ITK: variants seen among roughly 807,000 people sequenced by gnomAD.
ITK encodes tyrosine-protein kinase ITK/TSK.
In ITK, 45 loss-of-function variants were observed where a neutral mutation model predicts 87.6. The ratio of observed to expected loss-of-function variants is 0.51; its 90% CI spans 0.40 to 0.66. ITK has a LOEUF of 0.66. Among genes scored for constraint, ITK ranks in the 30% least tolerant of loss-of-function variants. The pLI, the probability that ITK is intolerant of heterozygous loss-of-function variation, is 0.00. For synonymous variants in ITK, 303 were observed against 273.6 expected (o/e 1.11, Z -1.06); for missense variants, 605 against 766.3 (o/e 0.79, Z 2.48).
At chr5:157,238,041 A>G (rs1178324149) in intron 8 of ITK, 68 bp from the exon 9 acceptor site, 1 of 1,177,120 alleles carries the variant, frequency 8.5e-7, no homozygotes, top group East Asian at 2.3e-5. Context: ...TGGGCAAGAA[A>G]GTGGAGCTGG....
chr5:157,189,764 G>A (rs183053791), intron 1 of ITK, among the ~76,000 whole-genome samples: 13 of 152,316 alleles, frequency 8.5e-5, no homozygotes, highest in Non-Finnish European at 1.5e-4. Context: ...AATATCAAAC[G>A]TGGAAATCGT....
chr5:157,210,143 C>G (rs1298421006), intron 2 of ITK, among the ~76,000 whole-genome samples: 1 of 152,128 alleles, frequency 6.6e-6, no homozygotes, highest in African/African-American at 2.4e-5. Flanking sequence ...TCAGACTAGT[C>G]TCAAACTCCT....
chr5:157,191,666 C>T (rs1483383234), intron 1 of ITK, among the ~76,000 whole-genome samples: 1 of 152,028 alleles, frequency 6.6e-6, no homozygotes, highest in Non-Finnish European at 1.5e-5. Context: ...TCTACAATGC[C>T]TCCAAAGTAA....
chr5:157,224,010 G>A (rs1487114586), intron 6 of ITK, among the ~76,000 whole-genome samples: 1 of 152,198 alleles, frequency 6.6e-6, no homozygotes, highest in Non-Finnish European at 1.5e-5. Context: ...TTGGCCGGGT[G>A]CACTGGCTCA....
At position 157,245,929 on chromosome 5, in the gene ITK, G is replaced by T; in HGVS notation, c.1563G>T (p.Pro521=). The part of the protein sequence containing the change: ...QYTSSTGTKF[P]VKWASPEVFS... ...CCAGTTCCACAGGCACCAAATTCCCGGTGAAGTGGGCATCCCCAGAGGTTT... is the reference window on the plus strand; with the variant it reads ...CCAGTTCCACAGGCACCAAATTCCCTGTGAAGTGGGCATCCCCAGAGGTTT... Residue 521 remains proline (P), a synonymous_variant, in exon 15 of 17, where the codon CCG becomes CCT. Transcript: ENST00000422843. The T allele has an allele frequency of 6.2e-7, 1 of 1,614,162 alleles. No individual in the cohort carries two copies. Among genetic ancestry groups the T allele is most frequent in the Non-Finnish European group, 8.5e-7 (1 of 1,180,014 alleles).
intron 16 of ITK, 89 bp from the exon 17 acceptor site, chr5:157,252,518 G>T (rs1755160683): frequency 1.3e-5 from 12 of 919,970 alleles, no homozygotes; most frequent in Non-Finnish European, 1.8e-5. Flanking sequence ...AATCCACAGG[G>T]GATGCTGCTA....
In ITK at chr5:157,184,115, A is replaced by G. The variant is rs980398158; in HGVS notation, c.138+3000A>G. Among the ~76,000 whole-genome samples the G allele has an allele frequency of 2.0e-5, 3 of 151,764 alleles. No individual in the cohort carries two copies. In the East Asian group the frequency reaches 5.8e-4, roughly 29 times the overall value. On this transcript the variant is annotated intron_variant, in intron 1 of 16. Coordinates refer to ENST00000422843, the MANE Select transcript of ITK (RefSeq NM_005546.4). ...GGCAGGTGGTAGCTTGCAGACAGAC[A>G]TGATTTCAGAGGCTCTCCTGTGCCT...
chr5:157,252,694 A>G lies in ITK; in HGVS notation c.*16A>G, dbSNP rs1279933045. On this transcript the variant is annotated 3_prime_UTR_variant, in exon 17 of 17. Transcript: ENST00000422843. Reference sequence around the variant, plus strand: ...AGGACTTTAGTAGAGACTGAGTACCAGGCCACGGGCTGCAGATCCTGAATG... The same window carrying G: ...AGGACTTTAGTAGAGACTGAGTACCGGGCCACGGGCTGCAGATCCTGAATG... The G allele has an allele frequency of 1.3e-6, 2 of 1,584,378 alleles. No homozygotes were observed. Among genetic ancestry groups the G allele is most frequent in the African/African-American group, 2.7e-5 (2 of 74,330 alleles).
chr5:157,209,088 C>T, intron 2 of ITK, 95 bp downstream of exon 2: 1 of 860,192 alleles, frequency 1.2e-6, no homozygotes, highest in South Asian at 1.4e-5. Context: ...GTAATCCTAG[C>T]ACTTTGGGAG....
chr5:157,249,254 G>A (rs1203259848), intron 16 of ITK, among the ~76,000 whole-genome samples: 1 of 152,246 alleles, frequency 6.6e-6, no homozygotes, highest in East Asian at 1.9e-4. Context: ...CTTCAGAGAG[G>A]AGGATGGGGT....
chr5:157,188,577 T>G (rs920474689), intron 1 of ITK, among the ~76,000 whole-genome samples: 2 of 152,182 alleles, frequency 1.3e-5, no homozygotes, highest in Non-Finnish European at 2.9e-5. Context: ...TTGCATTAGC[T>G]GTTTCCACTG....
At chr5:157,195,659 C>T (rs572299458) in intron 1 of ITK, 2 of 152,308 alleles carry the variant, frequency 1.3e-5, no homozygotes, top group East Asian at 3.9e-4. Flanking sequence ...ATACTTTATA[C>T]ATATACTTGT....
rs142837839 is a variant in ITK at position 157,220,750 on chromosome 5, G to A, written c.496-2113G>A. Among the ~76,000 whole-genome samples, 887 of 152,176 alleles carry A rather than the reference G, an allele frequency of 5.8e-3. 8 individuals are homozygous for A. The highest frequency in any genetic ancestry group is 0.037 in the Middle Eastern group (11 of 294). On this transcript the variant is annotated intron_variant, in intron 5 of 16. Transcript: ENST00000422843. ...TCCCAACCTTATCAAACTCAATCCT[G>A]CCTTTTAATGACAGATATTTTGTAA...
At chr5:157,191,534 T>C (rs1753753712) in intron 1 of ITK, among the ~76,000 whole-genome samples, 1 of 152,252 alleles carries the variant, frequency 6.6e-6, no homozygotes, top group African/African-American at 2.4e-5. Context: ...ATTTACTATC[T>C]GTGTCAGCAC....
At chr5:157,203,064 C>T (rs1433414465) in intron 1 of ITK, among the ~76,000 whole-genome samples, 1 of 152,196 alleles carries the variant, frequency 6.6e-6, no homozygotes, top group African/African-American at 2.4e-5. Context: ...CCAGATGGCT[C>T]CTGTTCGACT....
chr5:157,181,508 C>T (rs1012029510), intron 1 of ITK, among the ~76,000 whole-genome samples: 4 of 152,172 alleles, frequency 2.6e-5, no homozygotes, highest in Admixed American at 2.6e-4. Flanking sequence ...ACAACACTAG[C>T]ATTCAATGGG....
At chr5:157,196,152 G>C (rs1753852085) in intron 1 of ITK, among the ~76,000 whole-genome samples, 1 of 152,170 alleles carries the variant, frequency 6.6e-6, no homozygotes, top group Non-Finnish European at 1.5e-5. Context: ...CAATAATGCT[G>C]AGGCTGAGAA....
At chr5:157,235,813 C>T (rs1293799619) in intron 8 of ITK, among the ~76,000 whole-genome samples, 1 of 152,134 alleles carries the variant, frequency 6.6e-6, no homozygotes, top group Non-Finnish European at 1.5e-5. Context: ...TGAAAGGTCA[C>T]CTTCAAATTA....
intron 1 of ITK, among the ~76,000 whole-genome samples, chr5:157,182,152 T>C (rs938902445): frequency 3.3e-5 from 5 of 152,278 alleles, no homozygotes; most frequent in African/African-American, 1.2e-4. Flanking sequence ...ATATTATTTT[T>C]ACATCATTAG....
Sources: allele counts gnomAD v4.1 joint callset (sites outside exome capture counted in the v4.1 genomes callset), GRCh38; gene constraint gnomAD v4.1.1; transcripts MANE v1.5; gene names NCBI Gene and HGNC (gene_info 2026-07-23, HGNC 2026-07-21).